Variants in THADA observed in about 807,000 individuals in gnomAD.
THADA encodes the protein THADA armadillo repeat containing, also known as tRNA (32-2'-O)-methyltransferase regulator THADA.
A neutral mutation model predicts 219.8 loss-of-function variants in THADA; 213 were observed. The ratio of observed to expected loss-of-function variants is 0.97; its 90% confidence interval spans 0.87 to 1.09. The LOEUF is 1.09. Among genes scored for constraint, THADA ranks in the 50% least tolerant of loss-of-function variants. THADA has a pLI of 0.00. For synonymous variants in THADA, 1,018 were observed against 828.9 expected, an observed-to-expected ratio of 1.23 and a Z score of -3.92; for missense variants, 2,956 against 2,311.3, an observed-to-expected ratio of 1.28 and a Z score of -5.72.
chr2:43,520,308 C>A (rs1192073315), intron 22 of THADA, among the ~76,000 whole-genome samples: 1 of 152,192 alleles, frequency 6.6e-6, no homozygotes, highest in Non-Finnish European at 1.5e-5. Flanking sequence ...GTGTCTTTAG[C>A]CTCTGAGTAC....
intron 22 of THADA, among the ~76,000 whole-genome samples, chr2:43,514,638 T>TATATATAATATATATATTTTATATAATA (rs1690993357): frequency 1.2e-5 from 1 of 83,044 alleles, no homozygotes; most frequent in African/African-American, 5.9e-5. Context: ...ATGTATATTT[T>TATATATAATATATATATTTTATATAATA]ATATATAATA....
At chr2:43,485,451 T>A in intron 25 of THADA, 126 bp from the exon 26 acceptor site, 1 of 666,628 alleles carries the variant, frequency 1.5e-6, no homozygotes, top group Non-Finnish European at 2.6e-6. Flanking sequence ...AAAAGACAGA[T>A]TTGTGTTCAT....
At chr2:43,427,036 C>G (rs1234007791) in intron 28 of THADA, among the ~76,000 whole-genome samples, 2 of 152,112 alleles carry the variant, frequency 1.3e-5, no homozygotes, top group African/African-American at 4.8e-5. Flanking sequence ...GTAATAGGCT[C>G]TAAAAGAAGA....
intron 28 of THADA, among the ~76,000 whole-genome samples, chr2:43,419,866 G>A (rs1677469648): frequency 6.6e-6 from 1 of 152,088 alleles, no homozygotes; most frequent in African/African-American, 2.4e-5. Flanking sequence ...AGACTTAAAT[G>A]CAACACTCAG....
chr2:43,257,272 G>C (rs1291305144), intron 36 of THADA, among the ~76,000 whole-genome samples: 1 of 152,244 alleles, frequency 6.6e-6, no homozygotes, highest in Non-Finnish European at 1.5e-5. Context: ...TTTCCTTCAA[G>C]TGTCTGCTCC....
At chr2:43,408,487 G>A (rs1260718188) in intron 28 of THADA, 1 of 152,194 alleles carries the variant, frequency 6.6e-6, no homozygotes, top group East Asian at 1.9e-4. Context: ...GAATTTTCTT[G>A]GGTGTAGAAG....
At chr2:43,470,012 G>T (rs1047291426) in intron 26 of THADA, among the ~76,000 whole-genome samples, 3 of 151,960 alleles carry the variant, frequency 2.0e-5, no homozygotes, top group African/African-American at 7.2e-5. Context: ...GGAGTTTGAG[G>T]CCAGCATGGG....
chr2:43,361,771 A>T (rs1242124720), intron 29 of THADA, among the ~76,000 whole-genome samples: 1 of 152,236 alleles, frequency 6.6e-6, no homozygotes, highest in African/African-American at 2.4e-5. Context: ...GCTTTAAGAA[A>T]TACATTATTT....
chr2:43,591,518 GTAGCAC>G (rs1701566934), intron 3 of THADA, among the ~76,000 whole-genome samples: 1 of 151,678 alleles, frequency 6.6e-6, no homozygotes, highest in South Asian at 2.1e-4. Flanking sequence ...AAGAACAGCT[GTAGCAC>G]TATTAAAAAA....
intron 30 of THADA, among the ~76,000 whole-genome samples, chr2:43,332,723 G>A (rs1665934412): frequency 1.3e-5 from 2 of 152,202 alleles, no homozygotes; most frequent in Admixed American, 6.5e-5. Flanking sequence ...TGACAACATT[G>A]TCCAAATCTT....
intron 26 of THADA, among the ~76,000 whole-genome samples, chr2:43,447,042 G>C (rs1031144103): frequency 5.3e-5 from 8 of 152,156 alleles, no homozygotes; most frequent in Non-Finnish European, 1.0e-4. Context: ...AAAGAAAAGA[G>C]GTTTAATTGA....
chr2:43,478,238 G>T (rs1685775586), intron 26 of THADA, among the ~76,000 whole-genome samples: 1 of 152,096 alleles, frequency 6.6e-6, no homozygotes, highest in Non-Finnish European at 1.5e-5. Flanking sequence ...AACAATAGCT[G>T]GAAATTCCTG....
intron 28 of THADA, among the ~76,000 whole-genome samples, chr2:43,424,122 G>A (rs1398012600): frequency 3.3e-5 from 5 of 152,166 alleles, no homozygotes; most frequent in Non-Finnish European, 5.9e-5. Context: ...TCTGTCCCAA[G>A]AGGATGCAAC....
chr2:43,502,474 A>G (rs1030577575), intron 24 of THADA, among the ~76,000 whole-genome samples: 36 of 151,566 alleles, frequency 2.4e-4, no homozygotes, highest in African/African-American at 8.5e-4. Flanking sequence ...AATGCCAGTT[A>G]CTCAGGAGGC....
At chr2:43,487,090 T>C (rs1326566485) in intron 25 of THADA, among the ~76,000 whole-genome samples, 1 of 152,202 alleles carries the variant, frequency 6.6e-6, no homozygotes, top group African/African-American at 2.4e-5. Context: ...GGCCCTACTA[T>C]GTGCCCTGCC....
At chr2:43,237,348 A>G (rs994173179) in intron 36 of THADA, among the ~76,000 whole-genome samples, 1 of 152,056 alleles carries the variant, frequency 6.6e-6, no homozygotes, top group African/African-American at 2.4e-5. Context: ...CAAAAATTAA[A>G]ATGTACCGAA....
chr2:43,343,475 C>T (rs1667283543), intron 30 of THADA: 2 of 152,188 alleles, frequency 1.3e-5, no homozygotes, highest in African/African-American at 2.4e-5. Context: ...TATCCTACCA[C>T]CACCAGAGTC....
intron 24 of THADA, among the ~76,000 whole-genome samples, chr2:43,499,203 C>T (rs1406959073): frequency 1.3e-5 from 2 of 152,066 alleles, no homozygotes; most frequent in South Asian, 4.1e-4. Flanking sequence ...GAAGCCTGCA[C>T]CTAAAATACA....
intron 1 of THADA, among the ~76,000 whole-genome samples, chr2:43,594,109 T>C (rs1319716495): frequency 6.6e-6 from 1 of 152,146 alleles, no homozygotes; most frequent in African/African-American, 2.4e-5. Context: ...GAATATTTTC[T>C]CTTGGACTCC....
Sources: allele counts gnomAD v4.1 joint callset (sites outside exome capture counted in the v4.1 genomes callset), GRCh38; gene constraint gnomAD v4.1.1; transcripts MANE v1.5; gene names NCBI Gene and HGNC (gene_info 2026-07-23, HGNC 2026-07-21).